The following L3MBTL4 variants were observed in gnomAD, a reference collection of about 807,000 sequenced individuals.
L3MBTL4 encodes lethal(3)malignant brain tumor-like protein 4.
L3MBTL4 carries 70 observed loss-of-function variants against 84.5 expected under a neutral mutation model. That is an observed-to-expected ratio of 0.83 (90% confidence interval 0.68 to 1.01). The LOEUF (loss-of-function observed/expected upper bound fraction) is 1.01. Ranked by LOEUF, L3MBTL4 falls within the 50% of genes least tolerant of loss-of-function variation. The pLI is 0.00. For missense variants in L3MBTL4, 715 were observed against 754.8 expected, an observed-to-expected ratio of 0.95 and a Z score of 0.62; for synonymous variants, 274 against 259.8, an observed-to-expected ratio of 1.05 and a Z score of -0.52.
At chr18:6,223,915 A>G (rs2145913379) in intron 10 of L3MBTL4, among the ~76,000 whole-genome samples, 1 of 152,300 alleles carries the variant, frequency 6.6e-6, no homozygotes, top group South Asian at 2.1e-4. Flanking sequence ...AAAATCTTAA[A>G]TGTGCTAAAA....
intron 5 of L3MBTL4, among the ~76,000 whole-genome samples, chr18:6,246,313 ATATT>A (rs2047664871): frequency 6.6e-6 from 1 of 152,158 alleles, no homozygotes; most frequent in African/African-American, 2.4e-5. Flanking sequence ...ATACTTTGCT[ATATT>A]TATTTCTAGA....
intron 1 of L3MBTL4, among the ~76,000 whole-genome samples, chr18:6,380,958 C>T (rs1164101525): frequency 6.6e-6 from 1 of 152,090 alleles, no homozygotes; most frequent in Non-Finnish European, 1.5e-5. Flanking sequence ...GTCTAAGTCT[C>T]TTCATAGATC....
intron 3 of L3MBTL4, among the ~76,000 whole-genome samples, chr18:6,306,342 A>T (rs1480546183): frequency 2.0e-5 from 3 of 152,220 alleles, no homozygotes; most frequent in Non-Finnish European, 4.4e-5. Context: ...ATACTTGATA[A>T]TATAGCTACA....
chr18:6,005,671 A>T (rs67343002), intron 16 of L3MBTL4, among the ~76,000 whole-genome samples: 64,531 of 151,816 alleles, frequency 0.43, 17,071 homozygotes, highest in Non-Finnish European at 0.62. Context: ...ACGTGACTTC[A>T]TTTTTTTTAC....
chr18:5,967,728 G>A (rs1041834514), intron 17 of L3MBTL4, among the ~76,000 whole-genome samples: 1 of 152,240 alleles, frequency 6.6e-6, no homozygotes, highest in Non-Finnish European at 1.5e-5. Flanking sequence ...TTGGAAGTGA[G>A]CATGGAGCCC....
intron 1 of L3MBTL4, among the ~76,000 whole-genome samples, chr18:6,400,481 C>T (rs1281408702): frequency 6.6e-6 from 1 of 152,210 alleles, no homozygotes; most frequent in Non-Finnish European, 1.5e-5. Flanking sequence ...GCGAACATGG[C>T]TCACTGTAGC....
chr18:6,400,596 G>C lies in L3MBTL4; in HGVS notation c.-91+14205C>G, dbSNP rs574267144. On this transcript the variant is annotated intron_variant, in intron 1 of 18. Transcript: ENST00000317931. Reference sequence around the variant, plus strand: ...GGTTAATTTTTTCGTATTTTTAGTAGAGACAGGATTTCAACATATTTCCCA... The same window carrying C: ...GGTTAATTTTTTCGTATTTTTAGTACAGACAGGATTTCAACATATTTCCCA... 2.0e-3 allele frequency among the ~76,000 whole-genome samples: 298 copies of C among 152,258 alleles called. 5 individuals carry two copies. The highest frequency in any genetic ancestry group is 2.6e-3 in the Admixed American group (40 of 15,294).
At chr18:6,123,295 A>G (rs2059584403) in intron 14 of L3MBTL4, among the ~76,000 whole-genome samples, 1 of 152,194 alleles carries the variant, frequency 6.6e-6, no homozygotes, top group African/African-American at 2.4e-5. Flanking sequence ...GTTGTGATGT[A>G]TCTCTTAAAC....
At chr18:6,256,915 G>C (rs1406223310) in intron 5 of L3MBTL4, 1 of 152,358 alleles carries the variant, frequency 6.6e-6, no homozygotes, top group African/African-American at 2.4e-5. Context: ...GCCAGGCTGG[G>C]CTAGTGTTCT....
intron 1 of L3MBTL4, among the ~76,000 whole-genome samples, chr18:6,409,288 A>G (rs1599948148): frequency 6.6e-6 from 1 of 152,210 alleles, no homozygotes; most frequent in South Asian, 2.1e-4. Flanking sequence ...TTACTTAGAA[A>G]TAAATCATCA....
chr18:5,956,923 A>AGATC (rs1400235098), intron 18 of L3MBTL4, among the ~76,000 whole-genome samples: 1 of 147,620 alleles, frequency 6.8e-6, no homozygotes, highest in Non-Finnish European at 1.5e-5. Flanking sequence ...TTTTTTTTAT[A>AGATC]GATCAGTAAA....
chr18:6,262,465 T>A (rs976260232), intron 5 of L3MBTL4, among the ~76,000 whole-genome samples: 3 of 152,144 alleles, frequency 2.0e-5, no homozygotes, highest in African/African-American at 7.2e-5. Context: ...CCCTAAGTCT[T>A]ATCAGGTGAA....
At chr18:6,181,970 A>G (rs2044494683) in intron 12 of L3MBTL4, among the ~76,000 whole-genome samples, 1 of 152,178 alleles carries the variant, frequency 6.6e-6, no homozygotes, top group African/African-American at 2.4e-5. Context: ...CGTGATGAAC[A>G]TGCACTTGCA....
intron 16 of L3MBTL4, among the ~76,000 whole-genome samples, chr18:6,027,045 G>A (rs568723114): frequency 3.4e-4 from 51 of 152,232 alleles, no homozygotes; most frequent in Middle Eastern, 3.4e-3. Flanking sequence ...TTTACTTTAA[G>A]TTCTGGGATA....
At chr18:6,093,049 A>G (rs1003410934) in intron 15 of L3MBTL4, among the ~76,000 whole-genome samples, 2 of 152,230 alleles carry the variant, frequency 1.3e-5, no homozygotes. Context: ...AAGAATAAAG[A>G]CTTTTTAAGA....
chr18:6,380,441 C>T (rs943815340), intron 1 of L3MBTL4, among the ~76,000 whole-genome samples: 2 of 152,102 alleles, frequency 1.3e-5, no homozygotes, highest in African/African-American at 2.4e-5. Flanking sequence ...TCTGCTTTCC[C>T]TTGTGGGCAT....
chr18:6,098,616 C>T (rs1416549993), intron 14 of L3MBTL4, among the ~76,000 whole-genome samples: 1 of 152,094 alleles, frequency 6.6e-6, no homozygotes, highest in Non-Finnish European at 1.5e-5. Context: ...GCAAGTATCT[C>T]CCAAGAGGGG....
At chr18:6,349,014 G>A (rs2053052699) in intron 1 of L3MBTL4, among the ~76,000 whole-genome samples, 1 of 152,160 alleles carries the variant, frequency 6.6e-6, no homozygotes, top group Non-Finnish European at 1.5e-5. Context: ...CCATTACACA[G>A]CCACCAAAAT....
At chr18:6,297,647 T>C (rs1031040742) in intron 4 of L3MBTL4, among the ~76,000 whole-genome samples, 5 of 152,234 alleles carry the variant, frequency 3.3e-5, no homozygotes, top group African/African-American at 1.2e-4. Flanking sequence ...TATTTTTAAA[T>C]AATGTTTGTC....
Sources: gnomAD v4.1 joint callset for allele counts (sites outside exome capture counted in the v4.1 genomes callset) on GRCh38, gnomAD v4.1.1 for gene constraint, MANE v1.5 for transcripts, NCBI Gene and HGNC (gene_info 2026-07-23, HGNC 2026-07-21) for gene names.